The following CNR1 variants were observed in gnomAD, a reference collection of about 807,000 sequenced individuals.
CNR1 encodes cannabinoid receptor 1.
A neutral mutation model predicts 23.0 loss-of-function variants in CNR1; 10 were observed. The ratio of observed to expected loss-of-function variants is 0.43; its 90% CI spans 0.27 to 0.74. The LOEUF is 0.74. Ranked by LOEUF, CNR1 falls within the 30% of genes least tolerant of loss-of-function variation. The pLI, the probability that CNR1 is intolerant of heterozygous loss-of-function variation, is 0.19. For synonymous variants in CNR1, 271 were observed against 255.2 expected, an observed-to-expected ratio of 1.06 and a Z score of -0.59; for missense variants, 422 against 618.8, an observed-to-expected ratio of 0.68 and a Z score of 3.37.
At position 88,146,504 on chromosome 6, in the gene CNR1, A is replaced by G. The variant is rs535536212; in HGVS notation, c.-63-1167T>C. Among the ~76,000 whole-genome samples the G allele has an allele frequency of 1.4e-4, 21 of 152,342 alleles. No homozygotes were observed. The South Asian group carries it at 2.3e-3, about 17-fold the overall frequency. On this transcript the variant is annotated intron_variant, in intron 1 of 1. Transcript: ENST00000369501. ...ACAAGTGTGCCTGGTGACAGGAGAC[A>G]GGCTGGAGAGTGTCCAAGGATTTCC...
At chr6:88,163,944 A>T (rs1582382714) in intron 1 of CNR1, among the ~76,000 whole-genome samples, 1 of 152,236 alleles carries the variant, frequency 6.6e-6, no homozygotes, top group African/African-American at 2.4e-5. Context: ...AGTGGATAAC[A>T]AACAAAGCCA....
rs1284196221 is a variant in CNR1, at chr6:88,143,177, C to G, written c.*679G>C. 2.0e-5 allele frequency: 3 copies of G among 152,290 alleles called. No homozygotes were observed. Among genetic ancestry groups the G allele is most frequent in the Non-Finnish European group, 4.4e-5 (3 of 68,018 alleles). The allele number at this position is 152,290 out of a possible 1,614,324, so 9.4% of individuals were successfully genotyped here. Reference sequence around the variant, plus strand: ...AATATTTTGAAGTCTTCAAATTCTTCTTGTTGAGGTAACAGAAAAATAAAC... The same window carrying G: ...AATATTTTGAAGTCTTCAAATTCTTGTTGTTGAGGTAACAGAAAAATAAAC... On this transcript the variant is annotated 3_prime_UTR_variant, in exon 2 of 2. Coordinates refer to ENST00000369501, the MANE Select transcript of CNR1 (RefSeq NM_016083.6).
Position 88,145,391 on chromosome 6 carries a change from A to G in CNR1, c.-63-54T>C, listed in dbSNP as rs577468690. The G allele has an allele frequency of 2.8e-5, 23 of 815,034 alleles. No homozygotes were observed. The South Asian group carries it at 3.5e-4, about 12-fold the overall frequency. 50.5% of individuals were successfully genotyped at this position (815,034 alleles called of 1,614,324 possible). ...ATGGTGAGAAACAGGAAGAATAAAA[A>G]CAAAGAGACACTGTAAATGTGGCAA... On this transcript the variant is annotated intron_variant, in intron 1 of 1. Transcript: ENST00000369501.
rs894065338 is a variant in CNR1 at position 88,146,859 on chromosome 6, G to A, written c.-63-1522C>T. Among the ~76,000 whole-genome samples, 3 of 152,174 alleles carry A rather than the reference G, an allele frequency of 2.0e-5. No homozygotes were observed. In the East Asian group the frequency reaches 5.8e-4, roughly 29 times the overall value. ...TAAAAATGTTGAACTAACAATAAATGAGTTATTAATTCAGAGACCCTAATA... is the reference window on the plus strand; with the variant it reads ...TAAAAATGTTGAACTAACAATAAATAAGTTATTAATTCAGAGACCCTAATA... On this transcript the variant is annotated intron_variant, in intron 1 of 1. Transcript: ENST00000369501.
upstream of CNR1, among the ~76,000 whole-genome samples, chr6:88,166,732 C>T (rs1325138841): frequency 1.3e-5 from 2 of 152,180 alleles, no homozygotes; most frequent in Admixed American, 6.5e-5. Flanking sequence ...CACACGCTCC[C>T]GGGCAGCGCG....
chr6:88,160,527 T>G (rs770984910), intron 1 of CNR1, among the ~76,000 whole-genome samples: 8 of 150,932 alleles, frequency 5.3e-5, no homozygotes. Context: ...CTCTGTCCCC[T>G]GGGTGCAAGC....
Position 88,145,039 on chromosome 6 carries a change from G to T in CNR1, c.236C>A (p.Thr79Lys). The change falls in exon 2 of 2, where the codon ACA (threonine) becomes AAA (lysine). Residue 79 changes from threonine to lysine, a missense_variant. Around this residue, in one of 4 missense-constraint regions of CNR1, gnomAD observed 120 missense variants for 117.6 expected, o/e 1.02. Coordinates refer to ENST00000369501, the MANE Select transcript of CNR1 (RefSeq NM_016083.6). Reference protein sequence around the residue: ...QLVPADQVNITEFYNKSLSSF... With the variant: ...QLVPADQVNIKEFYNKSLSSF... ...CGAGAGAGACTTGTTGTAAAATTCT[G>T]TAATGTTCACCTGGTCTGCTGGGAC... is the stretch of plus-strand genomic sequence containing the variant. 1 of 1,614,128 alleles carries T rather than the reference G, an allele frequency of 6.2e-7. No homozygotes were observed. Among genetic ancestry groups the T allele is most frequent in the Non-Finnish European group, 8.5e-7 (1 of 1,180,022 alleles).
At chr6:88,166,563 C>T (rs977209187), upstream of CNR1, among the ~76,000 whole-genome samples, 1 of 152,148 alleles carries the variant, frequency 6.6e-6, no homozygotes, top group Admixed American at 6.5e-5. Context: ...CCTCTTCGGC[C>T]CGCGTCACCT....
In CNR1 at chr6:88,144,657, G is replaced by C; in HGVS notation, c.618C>G (p.Ser206Arg). The C allele has an allele frequency of 6.2e-7, 1 of 1,614,206 alleles. No homozygotes were observed. Reference protein sequence around the residue: ...VTASFTASVGSLFLTAIDRYI... With the variant: ...VTASFTASVGRLFLTAIDRYI... ...ACCTGTCGATGGCTGTGAGGAACAG[G>C]CTGCCCACGGAGGCAGTGAAGGAGG... The change falls in exon 2 of 2, where the codon AGC becomes AGG. Residue 206 changes from serine (S) to arginine (R), a missense_variant. Physicochemically the swap from Ser to Arg is moderately radical, Grantham distance 110. This residue lies in a region of CNR1 where 211 missense variants were observed against 357.3 expected (regional missense o/e 0.59). Transcript: ENST00000369501. This position sits in a 1 kb window ranked among gnomAD's most constrained non-coding sequence, Gnocchi z 7.8.
chr6:88,166,659 A>C (rs1010019100), upstream of CNR1, among the ~76,000 whole-genome samples: 1 of 151,950 alleles, frequency 6.6e-6, no homozygotes, highest in Non-Finnish European at 1.5e-5. Flanking sequence ...GGATACCCTC[A>C]CACCCTGACC....
At position 88,144,129 on chromosome 6, in the gene CNR1, G is replaced by A; in HGVS notation, c.1146C>T (p.Cys382=). Residue 382 remains cysteine (C), a synonymous_variant, in exon 2 of 2, where the codon TGC becomes TGT. Coordinates refer to ENST00000369501, the MANE Select transcript of CNR1 (RefSeq NM_016083.6). This position sits in a 1 kb window ranked among gnomAD's most constrained non-coding sequence, Gnocchi z 7.8. ...TGGAGTTCAGCAGGCAGAGCATACT[G>A]CAGAATGCAAACACCGTCTTAATGA... ...NKLIKTVFAF[C]SMLCLLNSTV... 6.2e-6 allele frequency: 10 copies of A among 1,614,078 alleles called. No homozygotes were observed. Among genetic ancestry groups the A allele is most frequent in the Non-Finnish European group, 8.5e-6 (10 of 1,180,028 alleles).
chr6:88,166,791 C>CTGGAAG (rs1778387540), upstream of CNR1, among the ~76,000 whole-genome samples: 3 of 97,448 alleles, frequency 3.1e-5, no homozygotes, highest in Non-Finnish European at 7.4e-5. Flanking sequence ...GCGGGCTGAG[C>CTGGAAG]CGGAAGGGGA....
chr6:88,145,519 C>T (rs1321948485), intron 1 of CNR1, among the ~76,000 whole-genome samples, 182 bp from the exon 2 acceptor site: 1 of 152,142 alleles, frequency 6.6e-6, no homozygotes, highest in Admixed American at 6.5e-5. Context: ...GAAAAGCTCC[C>T]CAAAGTTCAG....
Position 88,144,283 on chromosome 6 carries a change from C to A in CNR1, c.992G>T (p.Arg331Leu). The A allele has an allele frequency of 1.2e-6, 2 of 1,611,400 alleles. No homozygotes were observed. The highest frequency in any genetic ancestry group is 1.7e-6 in the Non-Finnish European group (2 of 1,179,970). ...TSEDGKVQVT[R>L]PDQARMDIRL... ...AATGTCCATGCGGGCTTGGTCTGGC[C>A]GGGTCACCTGTACCTTCCCATCCTC... The change falls in exon 2 of 2, where the codon CGG becomes CTG. Residue 331 changes from arginine to leucine, a missense_variant. Arg to Leu is a moderately radical substitution (Grantham distance 102). Transcript: ENST00000369501. This position sits in a 1 kb window ranked among gnomAD's most constrained non-coding sequence, Gnocchi z 7.8.
In CNR1 at chr6:88,140,773, G is replaced by A. The variant is rs890768399; in HGVS notation, c.*3083C>T. The A allele has an allele frequency of 6.6e-6, 1 of 152,292 alleles. No homozygotes were observed. Among genetic ancestry groups the A allele is most frequent in the Non-Finnish European group, 1.5e-5 (1 of 68,028 alleles). The allele number at this position is 152,292 out of a possible 1,614,324, so 9.4% of individuals were successfully genotyped here. A position where few individuals can be genotyped will look rare whatever the true frequency, so the allele number is the denominator to read the frequency against. ...GGATTTAGGCAGCAAAAGGTCCTTG[G>A]CATTTAATACCAGATAGACTTAACT... On this transcript the variant is annotated 3_prime_UTR_variant, in exon 2 of 2. Transcript: ENST00000369501.
Position 88,143,951 on chromosome 6 carries a change from C to G in CNR1, c.1324G>C (p.Val442Leu). 1 of 1,614,098 alleles carries G rather than the reference C, an allele frequency of 6.2e-7. No homozygotes were observed. The highest frequency in any genetic ancestry group is 8.5e-7 in the Non-Finnish European group (1 of 1,180,020). ...LHKHANNAAS[V>L]HRAAESCIKS... ...ATGCAGCTTTCTGCGGCCCTGTGAACACTGGCTGCATTGTTTGCGTGTTTG... is the reference window on the plus strand; with the variant it reads ...ATGCAGCTTTCTGCGGCCCTGTGAAGACTGGCTGCATTGTTTGCGTGTTTG... The change falls in exon 2 of 2, where the codon GTT becomes CTT. Residue 442 changes from valine to leucine, a missense_variant. By Grantham distance (32) the Val-to-Leu change is conservative. This residue lies in a region of CNR1 where 79 missense variants were observed against 98.0 expected (regional missense o/e 0.81). Transcript: ENST00000369501.
In CNR1 at chr6:88,140,093, A is replaced by G. The variant is rs923750190; in HGVS notation, c.*3763T>C. On this transcript the variant is annotated 3_prime_UTR_variant, in exon 2 of 2. Coordinates refer to ENST00000369501, the MANE Select transcript of CNR1 (RefSeq NM_016083.6). Reference sequence around the variant, plus strand: ...AACAATCTTACCAGTACTTGTATACAAAGTATTATACAGATTACTAACGAA... The same window carrying G: ...AACAATCTTACCAGTACTTGTATACGAAGTATTATACAGATTACTAACGAA... 2 of 152,828 alleles carry G rather than the reference A, an allele frequency of 1.3e-5. No homozygotes were observed. Among genetic ancestry groups the G allele is most frequent in the Admixed American group, 6.5e-5 (1 of 15,294 alleles). 9.5% of individuals were successfully genotyped at this position (152,828 alleles called of 1,614,324 possible).
chr6:88,157,598 C>T (rs1777870170), intron 1 of CNR1, among the ~76,000 whole-genome samples: 1 of 151,898 alleles, frequency 6.6e-6, no homozygotes, highest in Non-Finnish European at 1.5e-5. Flanking sequence ...AATTCTGCCT[C>T]AAGAAAGTAA....
intron 1 of CNR1, among the ~76,000 whole-genome samples, chr6:88,154,280 A>C (rs763429594): frequency 3.9e-5 from 6 of 152,214 alleles, no homozygotes; most frequent in Non-Finnish European, 7.3e-5. Context: ...ACTTCTGTTC[A>C]AATTTAATGT....
Sources: allele counts gnomAD v4.1 joint callset (sites outside exome capture counted in the v4.1 genomes callset), GRCh38; gene constraint gnomAD v4.1.1; regional missense constraint gnomAD v4.1.1; non-coding constraint Gnocchi (gnomAD v3.1); transcripts MANE v1.5; gene names NCBI Gene and HGNC (gene_info 2026-07-23, HGNC 2026-07-21).